Variants in ZNF19 observed in about 807,000 individuals in gnomAD.
The protein encoded by ZNF19 is zinc finger protein 19, also known as zinc finger protein 19 (KOX 12).
A neutral mutation model predicts 13.1 loss-of-function variants in ZNF19; 11 were observed. The observed-to-expected ratio is 0.84, with a 90% CI of 0.53 to 1.39. The LOEUF (loss-of-function observed/expected upper bound fraction) is 1.39, where lower values mean the gene tolerates loss of function less well. ZNF19 is among the 40% of genes most tolerant of loss of function. The probability of loss-of-function intolerance (pLI) is 0.00; values close to 1 mark genes in which losing one functional copy is unlikely to be tolerated. For synonymous variants in ZNF19, 186 were observed against 187.0 expected (o/e 0.99, Z 0.04); for missense variants, 560 against 547.0 (o/e 1.02, Z -0.24).
chr16:71,488,655 C>A (rs1229986682), intron 1 of ZNF19, among the ~76,000 whole-genome samples: 1 of 152,034 alleles, frequency 6.6e-6, no homozygotes, highest in Non-Finnish European at 1.5e-5. Flanking sequence ...AAAAATTAGC[C>A]GGGTGTGGTG....
chr16:71,481,942 C>T, intron 3 of ZNF19, 140 bp downstream of exon 3: 4 of 868,354 alleles, frequency 4.6e-6, no homozygotes, highest in Admixed American at 4.2e-5. Context: ...GCTCTTTCCC[C>T]AGCACCCAGT....
At chr16:71,479,524 G>A (rs2043624348) in intron 3 of ZNF19, among the ~76,000 whole-genome samples, 1 of 152,192 alleles carries the variant, frequency 6.6e-6, no homozygotes, top group South Asian at 2.1e-4. Flanking sequence ...TATCTCATCC[G>A]ACTCCCATTC....
intron 1 of ZNF19, among the ~76,000 whole-genome samples, chr16:71,486,738 TC>T (rs2043681320): frequency 6.6e-6 from 1 of 152,138 alleles, no homozygotes; most frequent in Admixed American, 6.5e-5. Flanking sequence ...CCTCTCTTCT[TC>T]CCCCAATTCT....
chr16:71,481,287 A>C (rs912467030), intron 3 of ZNF19, among the ~76,000 whole-genome samples: 1 of 152,166 alleles, frequency 6.6e-6, no homozygotes, highest in African/African-American at 2.4e-5. Context: ...GAAATATGAG[A>C]TTATGATTTG....
chr16:71,479,846 T>A (rs1486796903), intron 3 of ZNF19, among the ~76,000 whole-genome samples: 1 of 152,012 alleles, frequency 6.6e-6, no homozygotes, highest in Admixed American at 6.6e-5. Context: ...CAGGTTGGAG[T>A]GCAGTGGCAC....
At chr16:71,478,480 C>T in intron 4 of ZNF19, 139 bp from the exon 5 acceptor site, 1 of 731,090 alleles carries the variant, frequency 1.4e-6, no homozygotes, top group South Asian at 1.5e-5. Context: ...TTCCGATCAA[C>T]AGGAAACTGA....
rs778980582 is a variant in ZNF19, at chr16:71,476,070, T to G, written c.477A>C (p.Lys159Asn). 2 of 1,614,160 alleles carry G rather than the reference T, an allele frequency of 1.2e-6. No homozygotes were observed. The highest frequency in any genetic ancestry group is 2.2e-5 in the South Asian group (2 of 91,080). Residue 159 changes from lysine to asparagine, a missense_variant, in exon 6 of 6, where the codon AAA becomes AAC. Transcript: ENST00000288177. ...GKVPRIPCAR[K>N]PFICEECGKS... ...TCCCACACTCCTCACATATGAAAGG[T>G]TTCCTTGCACAGGGGATTCTTGGAA... is the stretch of plus-strand genomic sequence containing the variant.
Position 71,478,677 on chromosome 16 carries a change from T to C in ZNF19, c.160+202A>G, listed in dbSNP as rs16973227. ...TACCAGGGGACAGTAATTCCCTTCATTGGGAGACCAAAGTGACCCAAGACC... is the reference window on the plus strand; with the variant it reads ...TACCAGGGGACAGTAATTCCCTTCACTGGGAGACCAAAGTGACCCAAGACC... On this transcript the variant is annotated intron_variant, in intron 4 of 5. Transcript: ENST00000288177. 0.011 allele frequency: 8,067 copies of C among 707,316 alleles called. 452 individuals are homozygous for C. In the African/African-American group the frequency reaches 0.12, roughly 11 times the overall value. The allele number at this position is 707,316 out of a possible 1,614,324, so 43.8% of individuals were successfully genotyped here.
At chr16:71,476,511 T>C (rs117826054) in intron 5 of ZNF19, among the ~76,000 whole-genome samples, 1 of 152,324 alleles carries the variant, frequency 6.6e-6, no homozygotes, top group East Asian at 1.9e-4. Flanking sequence ...TCTACTCTAA[T>C]ATTTGAATGA....
rs1196087744 is a variant in ZNF19, at chr16:71,489,304, G to T, written c.-222C>A. The T allele has an allele frequency of 1.0e-6, 1 of 985,514 alleles. No individual in the cohort carries two copies. 61.0% of individuals were successfully genotyped at this position (985,514 alleles called of 1,614,324 possible). A position where few individuals can be genotyped will look rare whatever the true frequency, so the allele number is the denominator to read the frequency against. ...CGCGGACTCAAAACAGGCCAGAAGC[G>T]CACCGCTAGCGAGAACGGTTAGGAG... On this transcript the variant is annotated 5_prime_UTR_variant, in exon 1 of 6. Coordinates refer to ENST00000288177, the MANE Select transcript of ZNF19 (RefSeq NM_006961.4).
rs775755780 is a variant in ZNF19 at position 71,475,125 on chromosome 16, A to C, written c.*45T>G. On this transcript the variant is annotated 3_prime_UTR_variant, in exon 6 of 6. Coordinates refer to ENST00000288177, the MANE Select transcript of ZNF19 (RefSeq NM_006961.4). ...GCCTGTGTCACACATTCCATTCCTG[A>C]GTAGAAGACGGAATCCACTCAGTAC... 1 of 1,509,134 alleles carries C rather than the reference A, an allele frequency of 6.6e-7. No individual in the cohort carries two copies. The highest frequency in any genetic ancestry group is 1.4e-5 in the African/African-American group (1 of 71,986). 93.5% of individuals were successfully genotyped at this position (1,509,134 alleles called of 1,614,324 possible).
intron 5 of ZNF19, among the ~76,000 whole-genome samples, chr16:71,476,965 G>A (rs1281018542): frequency 1.3e-5 from 2 of 152,168 alleles, no homozygotes; most frequent in African/African-American, 4.8e-5. Flanking sequence ...TATTTGAAAA[G>A]GGATGAACAG....
intron 2 of ZNF19, among the ~76,000 whole-genome samples, chr16:71,484,326 C>A: frequency 6.6e-6 from 1 of 152,226 alleles, no homozygotes; most frequent in East Asian, 1.9e-4. Context: ...GGGGTTTGGG[C>A]GGCGTCGAGA....
In ZNF19 at chr16:71,481,190, C is replaced by T. The variant is rs772814620; in HGVS notation, c.33+892G>A. ...CTGCAATATAGTGTGATGTCAGACA[C>T]TTGTGGAAAAACCAGAAGAGGGTGG... On this transcript the variant is annotated intron_variant, in intron 3 of 5. Transcript: ENST00000288177. 1.6e-4 allele frequency among the ~76,000 whole-genome samples: 25 copies of T among 152,202 alleles called. No individual in the cohort carries two copies. The South Asian group carries it at 2.7e-3, about 16-fold the overall frequency.
chr16:71,478,473 C>T (rs1031076944), intron 4 of ZNF19, 132 bp from the exon 5 acceptor site: 6 of 737,990 alleles, frequency 8.1e-6, no homozygotes, highest in South Asian at 3.0e-5. Flanking sequence ...AAAGAGATTC[C>T]GATCAACAGG....
chr16:71,475,482 T>C lies in ZNF19; in HGVS notation c.1065A>G (p.Lys355=), dbSNP rs773965914. The C allele has an allele frequency of 6.2e-7, 1 of 1,614,212 alleles. No homozygotes were observed. The highest frequency in any genetic ancestry group is 8.5e-7 in the Non-Finnish European group (1 of 1,180,032). ...TTCCACAATCTACACAGTCAAAGGG[T>C]TTCTCCTCACTGTGAATTCTCTGGT... ...TRHQRIHSEE[K]PFDCVDCGKA... The change falls in exon 6 of 6, where the codon AAA becomes AAG. Residue 355 remains lysine, a synonymous_variant. Transcript: ENST00000288177.
chr16:71,479,644 C>T (rs2043625516), intron 3 of ZNF19, among the ~76,000 whole-genome samples: 2 of 152,212 alleles, frequency 1.3e-5, no homozygotes, highest in African/African-American at 4.8e-5. Context: ...TCCTAGAAAA[C>T]CATGCTTCTA....
chr16:71,475,259 G>A lies in ZNF19; in HGVS notation c.1288C>T (p.His430Tyr). ...TCTCCAGAGTAGACATGCTCAAGGTGACCTAGCTGGGAAGAAGTCCCAAAG... is the reference window on the plus strand; with the variant it reads ...TCTCCAGAGTAGACATGCTCAAGGTAACCTAGCTGGGAAGAAGTCCCAAAG... ...KAFGTSSQLGHLEHVYSGEKP... is the reference protein window; with the variant it reads ...KAFGTSSQLGYLEHVYSGEKP... Residue 430 changes from histidine to tyrosine, a missense_variant, in exon 6 of 6, where the codon CAC (histidine) becomes TAC (tyrosine). By Grantham distance (83) the His-to-Tyr change is moderately conservative (BLOSUM62 2). Transcript: ENST00000288177. The A allele has an allele frequency of 6.2e-7, 1 of 1,614,204 alleles. No homozygotes were observed. Among genetic ancestry groups the A allele is most frequent in the South Asian group, 1.1e-5 (1 of 91,078 alleles).
intron 3 of ZNF19, among the ~76,000 whole-genome samples, chr16:71,480,401 G>A (rs2043629596): frequency 6.6e-6 from 1 of 152,108 alleles, no homozygotes; most frequent in Non-Finnish European, 1.5e-5. Flanking sequence ...TAAACTAAGT[G>A]GCAGTGTGAC....
Sources: gnomAD v4.1 joint callset for allele counts (sites outside exome capture counted in the v4.1 genomes callset) on GRCh38, gnomAD v4.1.1 for gene constraint, MANE v1.5 for transcripts, NCBI Gene and HGNC (gene_info 2026-07-23, HGNC 2026-07-21) for gene names.